Variants in REDIC1 observed in about 807,000 individuals in gnomAD.
REDIC1 encodes HEI10 Interacting Protein 1.
chr12:39,704,225 A>T, the REDIC1 span, among the ~76,000 whole-genome samples: 8 of 152,194 alleles, frequency 5.3e-5, no homozygotes, highest in Non-Finnish European at 1.2e-4. Flanking sequence ...ACAAATTTAC[A>T]AGAAAAAAAA....
At chr12:39,808,094 A>G in the REDIC1 span, among the ~76,000 whole-genome samples, 9 of 152,180 alleles carry the variant, frequency 5.9e-5, no homozygotes, top group African/African-American at 1.9e-4. Flanking sequence ...AAACATTTCC[A>G]TAACACCAAA....
At chr12:39,651,950 G>A in the REDIC1 span, among the ~76,000 whole-genome samples, 21 of 152,126 alleles carry the variant, frequency 1.4e-4, no homozygotes, top group South Asian at 1.7e-3. Context: ...GTGTTGCTCT[G>A]TATTAGCCCA....
chr12:39,880,985 G>C, the REDIC1 span, among the ~76,000 whole-genome samples: 2 of 152,202 alleles, frequency 1.3e-5, no homozygotes, highest in Admixed American at 1.3e-4. Context: ...TTTCCCATTT[G>C]TTGAATTGTA....
chr12:39,640,848 C>A, the REDIC1 span: 1 of 710,010 alleles, frequency 1.4e-6, no homozygotes, highest in Non-Finnish European at 2.3e-6. Context: ...TGCAATGATA[C>A]TACACTTTTA....
At chr12:39,830,782 A>C in the REDIC1 span, among the ~76,000 whole-genome samples, 10 of 152,338 alleles carry the variant, frequency 6.6e-5, no homozygotes, top group African/African-American at 2.4e-4. Context: ...CATTGTTAAC[A>C]TCTTGGTGAA....
chr12:39,858,435 A>AT, the REDIC1 span, among the ~76,000 whole-genome samples: 1 of 152,172 alleles, frequency 6.6e-6, no homozygotes, highest in Non-Finnish European at 1.5e-5. Context: ...TTCATTTTAT[A>AT]GGAAATTAGT....
At chr12:39,751,919 G>T in the REDIC1 span, among the ~76,000 whole-genome samples, 2 of 152,156 alleles carry the variant, frequency 1.3e-5, no homozygotes, top group Admixed American at 6.5e-5. Flanking sequence ...GGGAGAAGGG[G>T]GAGGGAAAGC....
chr12:39,670,851 T>G, the REDIC1 span, among the ~76,000 whole-genome samples: 1 of 152,102 alleles, frequency 6.6e-6, no homozygotes, highest in Non-Finnish European at 1.5e-5. Context: ...GATTGTATTT[T>G]TCATTTCATT....
chr12:39,877,824 A>G, the REDIC1 span, among the ~76,000 whole-genome samples: 1 of 152,234 alleles, frequency 6.6e-6, no homozygotes, highest in African/African-American at 2.4e-5. Flanking sequence ...TCCATCTGAT[A>G]TAATTTGGAT....
the REDIC1 span, among the ~76,000 whole-genome samples, chr12:39,715,580 A>C: frequency 6.6e-6 from 1 of 152,052 alleles, no homozygotes; most frequent in African/African-American, 2.4e-5. Flanking sequence ...AAACAATTCT[A>C]AAATCTGTAT....
At chr12:39,714,746 T>C in the REDIC1 span, among the ~76,000 whole-genome samples, 20 of 151,770 alleles carry the variant, frequency 1.3e-4, no homozygotes, top group Non-Finnish European at 2.7e-4. Context: ...TATTTTTTGA[T>C]ATGGCCATTC....
the REDIC1 span, among the ~76,000 whole-genome samples, chr12:39,702,114 A>G: frequency 6.6e-6 from 1 of 152,188 alleles, no homozygotes; most frequent in East Asian, 1.9e-4. Flanking sequence ...GGAAATAGAG[A>G]CACAAAAAAC....
the REDIC1 span, among the ~76,000 whole-genome samples, chr12:39,885,085 A>G: frequency 6.6e-6 from 1 of 152,356 alleles, no homozygotes; most frequent in Non-Finnish European, 1.5e-5. Flanking sequence ...TACATTTAAG[A>G]GTTGCCTTTC....
At chr12:39,713,307 T>A in the REDIC1 span, among the ~76,000 whole-genome samples, 2 of 14,816 alleles carry the variant, frequency 1.3e-4, no homozygotes, top group African/African-American at 2.2e-4. Flanking sequence ...TACACACACA[T>A]ACGTGTATAT....
chr12:39,711,755 ATGTGTATG>A, the REDIC1 span, among the ~76,000 whole-genome samples: 1 of 100,324 alleles, frequency 1.0e-5, no homozygotes, highest in Non-Finnish European at 2.2e-5. Context: ...ATACACATGC[ATGTGTATG>A]TGTGTGTGCA....
At chr12:39,906,048 A>G in the REDIC1 span, among the ~76,000 whole-genome samples, 1 of 152,172 alleles carries the variant, frequency 6.6e-6, no homozygotes, top group Non-Finnish European at 1.5e-5. Flanking sequence ...TGCTAAAAAC[A>G]TGACAACTTT....
chr12:39,884,745 G>A, the REDIC1 span, among the ~76,000 whole-genome samples: 98 of 152,282 alleles, frequency 6.4e-4, 1 homozygote, highest in African/African-American at 2.1e-3. Flanking sequence ...GCAGCGATGA[G>A]CTCCACCTTA....
At chr12:39,824,859 A>G in the REDIC1 span, among the ~76,000 whole-genome samples, 15 of 152,196 alleles carry the variant, frequency 9.9e-5, no homozygotes, top group Non-Finnish European at 2.1e-4. Flanking sequence ...AAAATAAAAT[A>G]GACTTCAGGC....
At chr12:39,744,095 C>G in the REDIC1 span, among the ~76,000 whole-genome samples, 17 of 151,368 alleles carry the variant, frequency 1.1e-4, no homozygotes, top group African/African-American at 4.1e-4. Flanking sequence ...TAGAAAGATC[C>G]AAAGCAAAAA....
Sources: allele counts gnomAD v4.1 joint callset (sites outside exome capture counted in the v4.1 genomes callset), GRCh38; gene constraint gnomAD v4.1.1; transcripts MANE v1.5; gene names NCBI Gene and HGNC (gene_info 2026-07-23, HGNC 2026-07-21).